The following KATNBL1 variants were observed in gnomAD, a reference collection of about 807,000 sequenced individuals.
KATNBL1 encodes KATNB1-like protein 1.
Under a neutral mutation model 44.7 loss-of-function variants are expected in KATNBL1, and 28 were observed. That is an observed-to-expected ratio of 0.63 (90% CI 0.46 to 0.86). The LOEUF (loss-of-function observed/expected upper bound fraction) is 0.86, where lower values mean the gene tolerates loss of function less well. KATNBL1 is among the 40% of genes least tolerant of loss of function. The pLI, the probability that KATNBL1 is intolerant of heterozygous loss-of-function variation, is 0.00. For missense variants in KATNBL1, 272 were observed against 350.7 expected (o/e 0.78, Z 1.79); for synonymous variants, 78 against 114.9 (o/e 0.68, Z 2.06).
At chr15:34,143,239 G>T (rs566263438) in intron 9 of KATNBL1, among the ~76,000 whole-genome samples, 12 of 151,826 alleles carry the variant, frequency 7.9e-5, no homozygotes, top group African/African-American at 2.2e-4. Flanking sequence ...CTTTGGGAGG[G>T]GGAGGTGGGT....
intron 1 of KATNBL1, among the ~76,000 whole-genome samples, chr15:34,197,525 T>C (rs562161446): frequency 1.3e-5 from 2 of 152,366 alleles, no homozygotes; most frequent in East Asian, 3.9e-4. Context: ...ATTCGTGGTA[T>C]TAGCAAACTT....
At chr15:34,182,754 A>G (rs1889605457) in intron 1 of KATNBL1, among the ~76,000 whole-genome samples, 1 of 152,236 alleles carries the variant, frequency 6.6e-6, no homozygotes, top group Non-Finnish European at 1.5e-5. Context: ...GCCAGATTCG[A>G]AAGGCTACAT....
chr15:34,199,846 CGGAAAGAACAAAGTT>C (rs2141000550), intron 1 of KATNBL1: 1 of 33,096 alleles, frequency 3.0e-5, no homozygotes, highest in Admixed American at 3.1e-4. Context: ...GAACAAAGTA[CGGAAAGAACAAAGTT>C]TCCACGGTGT....
intron 5 of KATNBL1, chr15:34,148,369 T>C: frequency 3.9e-6 from 1 of 257,456 alleles, no homozygotes; most frequent in Non-Finnish European, 7.5e-6. Context: ...AAGGTTCACC[T>C]GAGCTCAGGA....
Position 34,155,299 on chromosome 15 carries a change from G to C in KATNBL1, c.118-615C>G, listed in dbSNP as rs114810269. Among the ~76,000 whole-genome samples, 195 of 152,166 alleles carry C rather than the reference G, an allele frequency of 1.3e-3. 1 individual carries two copies. Among genetic ancestry groups the C allele is most frequent in the African/African-American group, 4.6e-3 (192 of 41,522 alleles). ...TAACATGTCTTGGCATAGCTGTTCT[G>C]CTTGGTTTTCTAAAAGAAAGAGCTT... On this transcript the variant is annotated intron_variant, in intron 2 of 9. Transcript: ENST00000256544.
In KATNBL1 at chr15:34,206,661, G is replaced by A. The variant is rs528574136; in HGVS notation, c.-15+3290C>T. ...CAAAAATTACCCGGGCGTGGTGGTG[G>A]GTGCTTGTAATCCCAGCTACTCAGG... On this transcript the variant is annotated intron_variant, in intron 1 of 9. Coordinates refer to ENST00000256544, the MANE Select transcript of KATNBL1 (RefSeq NM_024713.3). Among the ~76,000 whole-genome samples, 78 of 152,126 alleles carry A rather than the reference G, an allele frequency of 5.1e-4. No homozygotes were observed. In the East Asian group the frequency reaches 5.2e-3, roughly 10 times the overall value.
chr15:34,188,883 C>A (rs191644915), intron 1 of KATNBL1, among the ~76,000 whole-genome samples: 2 of 152,234 alleles, frequency 1.3e-5, no homozygotes, highest in Non-Finnish European at 2.9e-5. Flanking sequence ...AGAATCAAAG[C>A]AAAACAATTA....
chr15:34,142,827 T>G, intron 9 of KATNBL1: 2 of 289,188 alleles, frequency 6.9e-6, no homozygotes, highest in Non-Finnish European at 1.3e-5. Context: ...TTCTCCAGCC[T>G]CAGCCTCCCA....
chr15:34,166,772 G>A (rs1443275085), intron 1 of KATNBL1, among the ~76,000 whole-genome samples: 1 of 152,184 alleles, frequency 6.6e-6, no homozygotes, highest in East Asian at 1.9e-4. Context: ...TTGCTGTTCT[G>A]CAGCCTCTGC....
chr15:34,196,298 A>G (rs1890027057), intron 1 of KATNBL1, among the ~76,000 whole-genome samples: 1 of 152,146 alleles, frequency 6.6e-6, no homozygotes, highest in Non-Finnish European at 1.5e-5. Context: ...CCTGCCTGTA[A>G]TCCCAGCTGC....
intron 1 of KATNBL1, among the ~76,000 whole-genome samples, chr15:34,198,642 T>C (rs1595365412): frequency 6.6e-6 from 1 of 152,216 alleles, no homozygotes. Context: ...TAACAGTGTA[T>C]AGCAGGTGGA....
intron 2 of KATNBL1, among the ~76,000 whole-genome samples, chr15:34,160,685 AG>A (rs1011237335): frequency 2.0e-5 from 3 of 152,068 alleles, no homozygotes; most frequent in East Asian, 3.9e-4. Flanking sequence ...GGGGACTATC[AG>A]GGGGAATATT....
intron 1 of KATNBL1, among the ~76,000 whole-genome samples, chr15:34,174,934 G>A (rs554267365): frequency 1.3e-5 from 2 of 151,050 alleles, no homozygotes; most frequent in East Asian, 2.0e-4. Context: ...GAGCCACTGC[G>A]ACTGGCCACA....
chr15:34,209,979 GCCC>G lies in KATNBL1; in HGVS notation c.-46_-44del, dbSNP rs1890394521. On this transcript the variant is annotated 5_prime_UTR_variant, in exon 1 of 10. Transcript: ENST00000256544. ...CGCCTCATGGTACCGCGGCGCCTCAGCCCAGCCTCGGCGCTGACGACCAGCGCC... is the reference window on the plus strand; with the variant it reads ...CGCCTCATGGTACCGCGGCGCCTCAGAGCCTCGGCGCTGACGACCAGCGCC... 6.6e-6 allele frequency: 1 copy of G among 151,826 alleles called. No homozygotes were observed. Among genetic ancestry groups the G allele is most frequent in the Non-Finnish European group, 1.5e-5 (1 of 67,932 alleles). The allele number at this position is 151,826 out of a possible 1,614,324, so 9.4% of individuals were successfully genotyped here.
intron 1 of KATNBL1, among the ~76,000 whole-genome samples, chr15:34,202,046 G>A (rs377605935): frequency 1.1e-4 from 17 of 152,254 alleles, no homozygotes; most frequent in Admixed American, 9.8e-4. Flanking sequence ...GAGCATCCTC[G>A]GATTGTGATA....
intron 1 of KATNBL1, among the ~76,000 whole-genome samples, chr15:34,179,289 G>C (rs544136642): frequency 6.6e-6 from 1 of 152,268 alleles, no homozygotes; most frequent in Admixed American, 6.5e-5. Context: ...GGGCAAAACA[G>C]AAAGCAAAAG....
intron 1 of KATNBL1, among the ~76,000 whole-genome samples, chr15:34,188,136 G>GCAAAAAAA (rs1394136257): frequency 4.6e-4 from 3 of 6,578 alleles, no homozygotes; most frequent in Non-Finnish European, 1.3e-3. Flanking sequence ...AAGACGCCAT[G>GCAAAAAAA]TAAAAAAAAA....
rs570458956 is a variant in KATNBL1, at chr15:34,142,479, C to G, written c.883-108G>C. On this transcript the variant is annotated intron_variant, in intron 9 of 9. Transcript: ENST00000256544. The stretch of plus-strand genomic sequence containing the variant: ...AATTTGCCTTAGTTTCCTTTTGTGA[C>G]CTTTTGAGGGTAAAAGACGTGCCTT... The G allele has an allele frequency of 5.5e-5, 69 of 1,254,458 alleles. No individual in the cohort carries two copies. The African/African-American group carries it at 1.0e-3, about 19-fold the overall frequency. The allele number at this position is 1,254,458 out of a possible 1,614,324, so 77.7% of individuals were successfully genotyped here.
In KATNBL1 at chr15:34,146,710, GC is replaced by G. The variant is rs543685423; in HGVS notation, c.788+50del. 6.4e-4 allele frequency: 659 copies of G among 1,022,202 alleles called. 2 individuals carry two copies. The highest frequency in any genetic ancestry group is 5.4e-4 in the Non-Finnish European group (344 of 642,280). 63.3% of individuals were successfully genotyped at this position (1,022,202 alleles called of 1,614,324 possible). On this transcript the variant is annotated intron_variant, in intron 8 of 9. Transcript: ENST00000256544. ...AATTATTACCTAGTTTAATCAAGCT[GC>G]TTTCCTGAAGAAAATTTCAGCATGA...
Sources: gnomAD v4.1 joint callset for allele counts (sites outside exome capture counted in the v4.1 genomes callset) on GRCh38, gnomAD v4.1.1 for gene constraint, MANE v1.5 for transcripts, NCBI Gene and HGNC (gene_info 2026-07-23, HGNC 2026-07-21) for gene names.